Variants in PHF3 observed in about 807,000 individuals in gnomAD.
The protein encoded by PHF3 is PHD finger protein 3.
In PHF3, 41 loss-of-function variants were observed where a neutral mutation model predicts 178.4. The observed-to-expected ratio is 0.23, with a 90% CI of 0.18 to 0.30. The LOEUF (loss-of-function observed/expected upper bound fraction) is 0.30, where lower values mean the gene tolerates loss of function less well. Ranked by LOEUF, PHF3 falls within the 10% of genes least tolerant of loss-of-function variation. The pLI, the probability that PHF3 is intolerant of heterozygous loss-of-function variation, is 1.00. For missense variants in PHF3, 2,346 were observed against 2,398.1 expected, an observed-to-expected ratio of 0.98 and a Z score of 0.45; for synonymous variants, 842 against 800.5, an observed-to-expected ratio of 1.05 and a Z score of -0.88.
In PHF3 at chr6:63,712,962, A is replaced by G; in HGVS notation, c.5374A>G (p.Ser1792Gly). 2 of 1,614,002 alleles carry G rather than the reference A, an allele frequency of 1.2e-6. No homozygotes were observed. The highest frequency in any genetic ancestry group is 1.7e-6 in the Non-Finnish European group (2 of 1,179,976). The change falls in exon 16 of 16, where the codon AGT becomes GGT. Residue 1792 changes from serine (S) to glycine (G), a missense_variant. Coordinates refer to ENST00000262043, the MANE Select transcript of PHF3 (RefSeq NM_001370348.2). ...FTSRSTSPRT[S>G]TNFSPMRPQQ... is the part of the protein sequence containing the mutation. ...TTCCAGAAGCACCAGCCCCAGAACAAGTACAAACTTTTCACCCATGAGGCC... is the reference window on the plus strand; with the variant it reads ...TTCCAGAAGCACCAGCCCCAGAACAGGTACAAACTTTTCACCCATGAGGCC...
intron 2 of PHF3, among the ~76,000 whole-genome samples, chr6:63,657,415 C>A (rs962724123): frequency 3.3e-5 from 5 of 152,106 alleles, no homozygotes; most frequent in Non-Finnish European, 5.9e-5. Context: ...GACTGGAAGC[C>A]TTACTGATAG....
rs1394706756 is a variant in PHF3, at chr6:63,714,370, G to C, written c.*662G>C. 1 of 152,462 alleles carries C rather than the reference G, an allele frequency of 6.6e-6. No individual in the cohort carries two copies. Among genetic ancestry groups the C allele is most frequent in the Non-Finnish European group, 1.5e-5 (1 of 67,984 alleles). 9.4% of individuals were successfully genotyped at this position (152,462 alleles called of 1,614,324 possible). On this transcript the variant is annotated 3_prime_UTR_variant, in exon 16 of 16. Transcript: ENST00000262043. ...AATACTTAAGCTTGTACATGATCTT[G>C]TGTTTTGCTATCCTTTTTACTGTAA...
chr6:63,661,442 T>A (rs1346279811), intron 2 of PHF3, among the ~76,000 whole-genome samples: 2 of 152,198 alleles, frequency 1.3e-5, no homozygotes, highest in Non-Finnish European at 2.9e-5. Context: ...ATGTCCTGAA[T>A]GTAAAAACAA....
intron 2 of PHF3, 89 bp downstream of exon 2, chr6:63,646,884 CTTTTTTTTT>C (rs745751113): frequency 3.4e-6 from 2 of 594,614 alleles, no homozygotes; most frequent in African/African-American, 4.8e-5. Flanking sequence ...TTCTTTTTTT[CTTTTTTTTT>C]TTTTTAATGA....
chr6:63,638,094 A>C (rs1764424911), intron 1 of PHF3, among the ~76,000 whole-genome samples: 1 of 152,166 alleles, frequency 6.6e-6, no homozygotes, highest in Admixed American at 6.5e-5. Flanking sequence ...GTAGGTAAAA[A>C]ATTGGTTTGG....
chr6:63,647,042 C>T (rs916703221), intron 2 of PHF3, among the ~76,000 whole-genome samples: 1 of 150,852 alleles, frequency 6.6e-6, no homozygotes, highest in African/African-American at 2.4e-5. Context: ...GTAGGGTGAC[C>T]ATATAATTTA....
rs746933380 is a variant in PHF3 at position 63,684,216 on chromosome 6, C to T, written c.494C>T (p.Thr165Ile). ...AACACAAAAAAAGCATCTGGGAAGA[C>T]TGTATCTACTGCTAAAGCAGGAGTG... ...LSNTKKASGK[T>I]VSTAKAGVKQ... The change falls in exon 4 of 16, where the codon ACT (threonine) becomes ATT (isoleucine). Residue 165 changes from threonine (T) to isoleucine (I), a missense_variant. By Grantham distance (89) the Thr-to-Ile change is moderately conservative (BLOSUM62 -1). Transcript: ENST00000262043. The T allele has an allele frequency of 1.2e-6, 2 of 1,614,018 alleles. No homozygotes were observed. The highest frequency in any genetic ancestry group is 3.3e-5 in the Admixed American group (2 of 60,028).
At position 63,679,987 on chromosome 6, in the gene PHF3, C is replaced by A; in HGVS notation, c.245-13C>A. ...TATTTTTAAAAGTTAATTTTTTTGT[C>A]GTTTTTTTCTAGTTGTTGGTCTTGA... On this transcript the variant is annotated splice_polypyrimidine_tract_variant and intron_variant, in intron 2 of 15. Coordinates refer to ENST00000262043, the MANE Select transcript of PHF3 (RefSeq NM_001370348.2). 2.5e-6 allele frequency: 4 copies of A among 1,601,908 alleles called. No individual in the cohort carries two copies. The South Asian group carries it at 4.5e-5, about 18-fold the overall frequency.
chr6:63,653,947 A>C (rs899256831), intron 2 of PHF3, among the ~76,000 whole-genome samples: 1 of 152,174 alleles, frequency 6.6e-6, no homozygotes, highest in South Asian at 2.1e-4. Flanking sequence ...TTGATTTCAT[A>C]TGTTAAACCA....
Position 63,721,857 on chromosome 6 carries a change from T to C in PHF3, c.*8149T>C, listed in dbSNP as rs538072357. ...CAGTAAAAGTTTCCATTGAAAACTTTTGCTGTTTCTGGCCAAGTTGGATAA... is the reference window on the plus strand; with the variant it reads ...CAGTAAAAGTTTCCATTGAAAACTTCTGCTGTTTCTGGCCAAGTTGGATAA... On this transcript the variant is annotated 3_prime_UTR_variant, in exon 16 of 16. Transcript: ENST00000262043. The C allele has an allele frequency of 3.9e-5, 57 of 1,466,210 alleles. No individual in the cohort carries two copies. In the East Asian group the frequency reaches 1.1e-3, roughly 28 times the overall value. The allele number at this position is 1,466,210 out of a possible 1,614,324, so 90.8% of individuals were successfully genotyped here.
Position 63,722,467 on chromosome 6 carries a change from T to A in PHF3, c.*8759T>A, listed in dbSNP as rs966678240. ...TACAGTATATCTCATTTTATAATTA[T>A]ATAGTCGTGTGAAGAAATAGGAACA... is the stretch of plus-strand genomic sequence containing the variant. On this transcript the variant is annotated 3_prime_UTR_variant, in exon 16 of 16. Transcript: ENST00000262043. 6.6e-6 allele frequency among the ~76,000 whole-genome samples: 1 copy of A among 152,148 alleles called. No individual in the cohort carries two copies. Among genetic ancestry groups the A allele is most frequent in the Non-Finnish European group, 1.5e-5 (1 of 68,026 alleles).
chr6:63,701,143 A>G (rs755576468), intron 9 of PHF3, among the ~76,000 whole-genome samples: 1 of 152,342 alleles, frequency 6.6e-6, no homozygotes, highest in Non-Finnish European at 1.5e-5. Flanking sequence ...AAAAATGTGT[A>G]CAGGCTTATC....
intron 12 of PHF3, 83 bp from the exon 13 acceptor site, chr6:63,706,646 C>G: frequency 7.3e-7 from 1 of 1,366,538 alleles, no homozygotes; most frequent in Non-Finnish European, 1.0e-6. Context: ...TCTTCACATG[C>G]TAAAATACGA....
rs766650185 is a variant in PHF3 at position 63,703,669 on chromosome 6, T to C, written c.3365T>C (p.Ile1122Thr). The C allele has an allele frequency of 1.3e-6, 2 of 1,595,812 alleles. No individual in the cohort carries two copies. Among genetic ancestry groups the C allele is most frequent in the South Asian group, 2.3e-5 (2 of 86,780 alleles). Residue 1122 changes from isoleucine to threonine, a missense_variant and splice_region_variant, in exon 11 of 16, where the codon ATA (isoleucine) becomes ACA (threonine). By Grantham distance (89) the Ile-to-Thr change is moderately conservative (BLOSUM62 -1). Transcript: ENST00000262043. ...HLFDLNCKIC[I>T]GRMAPPVDDL... ...TTTGATCTCAACTGCAAAATCTGCATAGGTAATTGGAAGTTTTTCTTCGTA... is the reference window on the plus strand; with the variant it reads ...TTTGATCTCAACTGCAAAATCTGCACAGGTAATTGGAAGTTTTTCTTCGTA...
At chr6:63,646,271 G>A (rs1191084419) in intron 1 of PHF3, among the ~76,000 whole-genome samples, 1 of 151,868 alleles carries the variant, frequency 6.6e-6, no homozygotes, top group Non-Finnish European at 1.5e-5. Flanking sequence ...TAAAAATAAT[G>A]AACTGAGTAA....
At chr6:63,700,933 C>G (rs370988440) in intron 9 of PHF3, among the ~76,000 whole-genome samples, 1 of 152,176 alleles carries the variant, frequency 6.6e-6, no homozygotes, top group East Asian at 1.9e-4. Context: ...GTTGGTTTCT[C>G]TGATCTTGTC....
chr6:63,680,146 C>T lies in PHF3; in HGVS notation c.391C>T (p.Arg131Cys), dbSNP rs368685403. 6.2e-6 allele frequency: 10 copies of T among 1,607,112 alleles called. No homozygotes were observed. Among genetic ancestry groups the T allele is most frequent in the South Asian group, 3.3e-5 (3 of 89,894 alleles). ...NSVRSPRKSPRLMAQEQVRSL... is the reference protein window; with the variant it reads ...NSVRSPRKSPCLMAQEQVRSL... The stretch of plus-strand genomic sequence containing the variant: ...AGTGAGATCTCCAAGAAAATCACCT[C>T]GTTTAATGGCACAAGGTAATCCTTT... Residue 131 changes from arginine (R) to cysteine (C), a missense_variant, in exon 3 of 16, where the codon CGT becomes TGT. Arg to Cys is a radical substitution (Grantham distance 180). Coordinates refer to ENST00000262043, the MANE Select transcript of PHF3 (RefSeq NM_001370348.2).
chr6:63,652,859 C>G (rs1295393185), intron 2 of PHF3, among the ~76,000 whole-genome samples: 1 of 152,012 alleles, frequency 6.6e-6, no homozygotes, highest in Non-Finnish European at 1.5e-5. Context: ...GGATTCATTT[C>G]TGGGTTTCTT....
intron 2 of PHF3, among the ~76,000 whole-genome samples, chr6:63,666,367 G>A (rs981061340): frequency 2.6e-5 from 4 of 151,518 alleles, no homozygotes; most frequent in Non-Finnish European, 4.4e-5. Flanking sequence ...AGTTTCTTAC[G>A]TATATATATT....
Sources: gnomAD v4.1 joint callset for allele counts (sites outside exome capture counted in the v4.1 genomes callset) on GRCh38, gnomAD v4.1.1 for gene constraint, MANE v1.5 for transcripts, NCBI Gene and HGNC (gene_info 2026-07-23, HGNC 2026-07-21) for gene names.